JAKMIP1: variants seen among roughly 807,000 people sequenced by gnomAD.
JAKMIP1 encodes the protein janus kinase and microtubule interacting protein 1.
Under a neutral mutation model 113.0 loss-of-function variants are expected in JAKMIP1, and 33 were observed. The ratio of observed to expected loss-of-function variants is 0.29; its 90% CI spans 0.22 to 0.39. The LOEUF (loss-of-function observed/expected upper bound fraction) is 0.39. Among genes scored for constraint, JAKMIP1 ranks in the 10% least tolerant of loss-of-function variants. The pLI is 1.00. For synonymous variants in JAKMIP1, 480 were observed against 459.9 expected (o/e 1.04, Z -0.56); for missense variants, 813 against 1,080.5 (o/e 0.75, Z 3.47).
rs1715732476 is a variant in JAKMIP1 at position 6,116,110 on chromosome 4, G to C, written c.-147-3113C>G. 6.6e-6 allele frequency among the ~76,000 whole-genome samples: 1 copy of C among 152,114 alleles called. No individual in the cohort carries two copies. The highest frequency in any genetic ancestry group is 1.5e-5 in the Non-Finnish European group (1 of 68,020). On this transcript the variant is annotated intron_variant, in intron 1 of 20. Coordinates refer to ENST00000409021, the MANE Select transcript of JAKMIP1 (RefSeq NM_001099433.2). This position sits in a 1 kb window ranked among gnomAD's most constrained non-coding sequence, Gnocchi z 5.1. ...TGTGGAGACGAATGGAGTGCAGGAG[G>C]GGAAGATGTCCAAAGTTCTGGGCCA... is the stretch of plus-strand genomic sequence containing the variant.
At chr4:6,115,053 A>G (rs1715532083) in intron 1 of JAKMIP1, among the ~76,000 whole-genome samples, 1 of 152,254 alleles carries the variant, frequency 6.6e-6, no homozygotes, top group East Asian at 1.9e-4. Context: ...AATGATGTCT[A>G]AGCCCCGACA....
chr4:6,128,942 C>T (rs1718129352), intron 1 of JAKMIP1, among the ~76,000 whole-genome samples: 1 of 152,254 alleles, frequency 6.6e-6, no homozygotes, highest in Admixed American at 6.5e-5. Flanking sequence ...CAGGGGGTGC[C>T]TTGCCCGGCC....
At chr4:6,103,138 T>C (rs35871302) in intron 3 of JAKMIP1, among the ~76,000 whole-genome samples, 22,643 of 152,188 alleles carry the variant, frequency 0.15, 1,952 homozygotes, top group East Asian at 0.4. Flanking sequence ...TGTATGTTAC[T>C]TGTAAAAGAT....
In JAKMIP1 at chr4:6,200,277, G is replaced by C. The variant is rs951690134; in HGVS notation, c.-172C>G. 1.6e-4 allele frequency: 25 copies of C among 152,626 alleles called. No homozygotes were observed. The highest frequency in any genetic ancestry group is 5.5e-4 in the African/African-American group (23 of 41,498). The allele number at this position is 152,626 out of a possible 1,614,324, so 9.5% of individuals were successfully genotyped here. ...CCTGCTCGGCGCTCAGGCCCGAGCC[G>C]GGCAGCAGCAGCGGACGTAGCGAGC... On this transcript the variant is annotated 5_prime_UTR_variant, in exon 1 of 21. Transcript: ENST00000409021. This position sits in a 1 kb window ranked among gnomAD's most constrained non-coding sequence, Gnocchi z 7.0.
chr4:6,161,390 C>T (rs75807626), intron 1 of JAKMIP1, among the ~76,000 whole-genome samples: 3,368 of 151,834 alleles, frequency 0.022, 47 homozygotes, highest in South Asian at 0.034. Context: ...ATCTGGCTGC[C>T]CCGTGGGCTT....
chr4:6,118,274 C>T (rs1432456243), intron 1 of JAKMIP1, among the ~76,000 whole-genome samples: 2 of 152,178 alleles, frequency 1.3e-5, no homozygotes, highest in African/African-American at 2.4e-5. Context: ...CCCTGACTTC[C>T]CGCAACAGGT....
chr4:6,092,096 G>GGAAAA lies in JAKMIP1; in HGVS notation c.625-6472_625-6468dup, dbSNP rs544788313. The stretch of plus-strand genomic sequence containing the variant: ...ATCATCAGGACTTTTTAAAAGGTAA[G>GGAAAA]GAAAAGAAAAGAGAGAACTCCCTTC... On this transcript the variant is annotated intron_variant, in intron 3 of 20. Coordinates refer to ENST00000409021, the MANE Select transcript of JAKMIP1 (RefSeq NM_001099433.2). Among the ~76,000 whole-genome samples the GGAAAA allele has an allele frequency of 6.5e-3, 986 of 152,248 alleles. 3 individuals are homozygous for GGAAAA. Among genetic ancestry groups the GGAAAA allele is most frequent in the Non-Finnish European group, 0.011 (763 of 68,020 alleles).
At chr4:6,173,014 A>G (rs1251105473) in intron 1 of JAKMIP1, among the ~76,000 whole-genome samples, 1 of 152,224 alleles carries the variant, frequency 6.6e-6, no homozygotes, top group Non-Finnish European at 1.5e-5. Context: ...TGAAACTTCA[A>G]TGTTAGCAGG....
intron 3 of JAKMIP1, among the ~76,000 whole-genome samples, chr4:6,104,315 G>C (rs1713557118): frequency 6.6e-6 from 1 of 152,252 alleles, no homozygotes; most frequent in East Asian, 1.9e-4. Context: ...CGTAACTGTG[G>C]ATTTGTCTGC....
At position 6,199,611 on chromosome 4, in the gene JAKMIP1, G is replaced by A. The variant is rs892308501; in HGVS notation, c.-148+642C>T. Among the ~76,000 whole-genome samples the A allele has an allele frequency of 6.6e-6, 1 of 151,960 alleles. No homozygotes were observed. On this transcript the variant is annotated intron_variant, in intron 1 of 20. Coordinates refer to ENST00000409021, the MANE Select transcript of JAKMIP1 (RefSeq NM_001099433.2). The surrounding 1 kb of genome is among the most constrained non-coding windows in gnomAD (Gnocchi z 5.6). ...GTGCCAGCCTTTCTTCCCATCTCTC[G>A]AGCCTCCTCCCCGGCGCCCACGTGG...
intron 1 of JAKMIP1, among the ~76,000 whole-genome samples, chr4:6,190,539 C>A (rs1406819543): frequency 6.6e-6 from 1 of 152,178 alleles, no homozygotes; most frequent in Non-Finnish European, 1.5e-5. Context: ...CACTCACTCC[C>A]CAGCAATGAG....
At position 6,062,396 on chromosome 4, in the gene JAKMIP1, G is replaced by A. The variant is rs369235121; in HGVS notation, c.1476C>T (p.Thr492=). 31 of 1,613,720 alleles carry A rather than the reference G, an allele frequency of 1.9e-5. No homozygotes were observed. In the East Asian group the frequency reaches 6.0e-4, roughly 31 times the overall value. ...CGCGTTGCAGGGCCTGGTACTCCCG[G>A]GTCAGCTGGCAGAAGCGCAGGTCAG... The part of the protein sequence containing the change: ...EEADLRFCQL[T]REYQALQRAY... Residue 492 remains threonine, a synonymous_variant, in exon 10 of 21, where the codon ACC becomes ACT. Coordinates refer to ENST00000409021, the MANE Select transcript of JAKMIP1 (RefSeq NM_001099433.2).
At position 6,180,327 on chromosome 4, in the gene JAKMIP1, A is replaced by G. The variant is rs1725876150; in HGVS notation, c.-148+19926T>C. ...AGAGTTGTTTATCAACATTCAAGAG[A>G]ACATAATGAAGCTTCCTTTAGAACA... On this transcript the variant is annotated intron_variant, in intron 1 of 20. Coordinates refer to ENST00000409021, the MANE Select transcript of JAKMIP1 (RefSeq NM_001099433.2). This position sits in a 1 kb window ranked among gnomAD's most constrained non-coding sequence, Gnocchi z 4.5. Among the ~76,000 whole-genome samples, 1 of 152,236 alleles carries G rather than the reference A, an allele frequency of 6.6e-6. No homozygotes were observed. The highest frequency in any genetic ancestry group is 1.5e-5 in the Non-Finnish European group (1 of 68,042).
intron 2 of JAKMIP1, among the ~76,000 whole-genome samples, chr4:6,110,224 T>C (rs1216877259): frequency 2.0e-5 from 3 of 152,082 alleles, no homozygotes; most frequent in African/African-American, 7.2e-5. Flanking sequence ...CCTAATCCGA[T>C]TTGCCTGGTG....
intron 1 of JAKMIP1, among the ~76,000 whole-genome samples, chr4:6,174,617 G>A (rs1174432138): frequency 3.3e-5 from 5 of 152,282 alleles, no homozygotes; most frequent in Admixed American, 6.5e-5. Flanking sequence ...TCGCAACACT[G>A]CTGCAGCCCT....
chr4:6,050,593 G>A lies in JAKMIP1; in HGVS notation c.1893C>T (p.His631=). ...GGCACGCTACCTTAACTCCTTCCTG[G>A]TGACAGAACAGCTGGAGAGCGCTGC... is the stretch of plus-strand genomic sequence containing the variant. ...NHSSALQLFC[H]QEGVKDVNVS... Residue 631 remains histidine (H), a synonymous_variant, in exon 14 of 21, where the codon CAC becomes CAT. Transcript: ENST00000409021. This position sits in a 1 kb window ranked among gnomAD's most constrained non-coding sequence, Gnocchi z 7.4. The A allele has an allele frequency of 6.4e-7, 1 of 1,571,876 alleles. No individual in the cohort carries two copies.
intron 12 of JAKMIP1, among the ~76,000 whole-genome samples, chr4:6,056,401 TC>T (rs1454896489): frequency 1.3e-5 from 2 of 152,260 alleles, no homozygotes; most frequent in African/African-American, 4.8e-5. Context: ...GGGCCAGCCC[TC>T]CCCATTTCTG....
At chr4:6,036,762 G>A (rs924271328) in intron 18 of JAKMIP1, among the ~76,000 whole-genome samples, 7 of 152,204 alleles carry the variant, frequency 4.6e-5, no homozygotes, top group Admixed American at 2.0e-4. Context: ...CAATGTCTAA[G>A]GACAAAAGAC....
At chr4:6,100,834 C>T (rs1280339367) in intron 3 of JAKMIP1, among the ~76,000 whole-genome samples, 1 of 152,018 alleles carries the variant, frequency 6.6e-6, no homozygotes, top group Non-Finnish European at 1.5e-5. Context: ...AGGTAGAACA[C>T]CTTTTCACAT....
Sources: gnomAD v4.1 joint callset for allele counts (sites outside exome capture counted in the v4.1 genomes callset) on GRCh38, gnomAD v4.1.1 for gene constraint, Gnocchi (gnomAD v3.1) non-coding constraint, MANE v1.5 for transcripts, NCBI Gene and HGNC (gene_info 2026-07-23, HGNC 2026-07-21) for gene names.